CDC73: variants seen among roughly 807,000 people sequenced by gnomAD.
CDC73 encodes the protein cell division cycle 73, also known as parafibromin.
In CDC73, 21 loss-of-function variants were observed where a neutral mutation model predicts 83.7. The observed-to-expected ratio is 0.25, with a 90% CI of 0.18 to 0.36. The LOEUF (loss-of-function observed/expected upper bound fraction) is 0.36, where lower values mean the gene tolerates loss of function less well. Ranked by LOEUF, CDC73 falls within the 10% of genes least tolerant of loss-of-function variation. The probability of loss-of-function intolerance (pLI) is 1.00; values close to 1 mark genes in which losing one functional copy is unlikely to be tolerated. For synonymous variants in CDC73, 224 were observed against 212.9 expected, an observed-to-expected ratio of 1.05 and a Z score of -0.45; for missense variants, 342 against 653.3, an observed-to-expected ratio of 0.52 and a Z score of 5.19.
intron 13 of CDC73, among the ~76,000 whole-genome samples, chr1:193,230,596 C>G (rs1040531683): frequency 6.6e-6 from 1 of 151,276 alleles, no homozygotes; most frequent in Non-Finnish European, 1.5e-5. Flanking sequence ...ACACACCCAG[C>G]AGTGCAGCCC....
rs1678088583 is a variant in CDC73 at position 193,253,856 on chromosome 1, G to A, written c.*3144G>A. 4.4e-6 allele frequency: 1 copy of A among 226,952 alleles called. No individual in the cohort carries two copies. The highest frequency in any genetic ancestry group is 8.8e-6 in the Non-Finnish European group (1 of 114,200). 14.1% of individuals were successfully genotyped at this position (226,952 alleles called of 1,614,324 possible). A position where few individuals can be genotyped will look rare whatever the true frequency, so the allele number is the denominator to read the frequency against. The stretch of plus-strand genomic sequence containing the variant: ...AGATTCATTATCTAATAAATATTGA[G>A]GGAATATTTTTCCTAAATAAAAATT... On this transcript the variant is annotated 3_prime_UTR_variant, in exon 17 of 17. Coordinates refer to ENST00000367435, the MANE Select transcript of CDC73 (RefSeq NM_024529.5).
At chr1:193,226,958 T>C (rs1677576598) in intron 13 of CDC73, among the ~76,000 whole-genome samples, 1 of 152,186 alleles carries the variant, frequency 6.6e-6, no homozygotes, top group African/African-American at 2.4e-5. Context: ...AACTTTTTTT[T>C]GTTGGTAATT....
intron 15 of CDC73, among the ~76,000 whole-genome samples, chr1:193,248,181 A>G (rs1307313027): frequency 2.0e-5 from 3 of 152,072 alleles, no homozygotes; most frequent in Non-Finnish European, 2.9e-5. Context: ...AACATTCTAA[A>G]TATCCTAGGG....
intron 7 of CDC73, among the ~76,000 whole-genome samples, chr1:193,143,765 G>C (rs1013156435): frequency 1.3e-4 from 20 of 152,046 alleles, no homozygotes; most frequent in Admixed American, 6.5e-4. Flanking sequence ...ATTATTACTA[G>C]TTATCAGGGC....
intron 3 of CDC73, among the ~76,000 whole-genome samples, chr1:193,131,080 T>G (rs1675685661): frequency 6.6e-6 from 1 of 152,240 alleles, no homozygotes; most frequent in Admixed American, 6.5e-5. Context: ...TCAAGTGTTT[T>G]TTTCAGCATT....
intron 10 of CDC73, among the ~76,000 whole-genome samples, chr1:193,166,547 G>T (rs564663191): frequency 1.3e-5 from 2 of 152,228 alleles, no homozygotes; most frequent in Non-Finnish European, 2.9e-5. Flanking sequence ...TCTTTAAAGG[G>T]CCAGAAACTA....
chr1:193,238,870 A>G (rs1677810552), intron 15 of CDC73, among the ~76,000 whole-genome samples: 1 of 152,214 alleles, frequency 6.6e-6, no homozygotes, highest in Non-Finnish European at 1.5e-5. Flanking sequence ...TAGGTTGAGG[A>G]GGAGGAAGGG....
chr1:193,163,200 T>C (rs911671837), intron 10 of CDC73, among the ~76,000 whole-genome samples: 2 of 151,504 alleles, frequency 1.3e-5, no homozygotes, highest in African/African-American at 4.9e-5. Context: ...TATTTTTTTT[T>C]TCCCCCTCCT....
At chr1:193,224,225 G>A (rs1459965501) in intron 13 of CDC73, among the ~76,000 whole-genome samples, 2 of 151,244 alleles carry the variant, frequency 1.3e-5, no homozygotes, top group African/African-American at 4.9e-5. Context: ...TTTTTTTTTG[G>A]GAATTATTGT....
intron 3 of CDC73, among the ~76,000 whole-genome samples, chr1:193,132,632 A>G (rs1406350387): frequency 6.6e-6 from 1 of 151,280 alleles, no homozygotes; most frequent in African/African-American, 2.4e-5. Context: ...TTTTTTAATC[A>G]AAGCAAATTT....
chr1:193,152,436 T>G lies in CDC73; in HGVS notation c.964T>G (p.Ser322Ala). The change falls in exon 10 of 17, where the codon TCT becomes GCT. Residue 322 changes from serine to alanine, a missense_variant. Physicochemically the swap from Ser to Ala is moderately conservative, Grantham distance 99. This residue lies in a region of CDC73 where 239 missense variants were observed against 420.6 expected (regional missense o/e 0.57). Coordinates refer to ENST00000367435, the MANE Select transcript of CDC73 (RefSeq NM_024529.5). ...MGTYHGMTLK[S>A]VTEGASARKT... Reference sequence around the variant, plus strand: ...AACCTACCATGGTATGACACTGAAATCTGTAACGGTAAGTTAATTTGGCTG... The same window carrying G: ...AACCTACCATGGTATGACACTGAAAGCTGTAACGGTAAGTTAATTTGGCTG... 1 of 1,605,664 alleles carries G rather than the reference T, an allele frequency of 6.2e-7. No homozygotes were observed. Among genetic ancestry groups the G allele is most frequent in the Non-Finnish European group, 8.5e-7 (1 of 1,172,606 alleles).
intron 6 of CDC73, among the ~76,000 whole-genome samples, chr1:193,140,424 C>T (rs1017999140): frequency 1.3e-5 from 2 of 152,110 alleles, no homozygotes; most frequent in Non-Finnish European, 2.9e-5. Flanking sequence ...GTTCCAAGAC[C>T]TCCAGTGGAT....
intron 7 of CDC73, among the ~76,000 whole-genome samples, chr1:193,147,037 G>T (rs550952310): frequency 6.6e-6 from 1 of 151,938 alleles, no homozygotes; most frequent in African/African-American, 2.4e-5. Context: ...CTGTCTCCCA[G>T]GGTGGAGTGC....
At chr1:193,200,535 A>G (rs959184483) in intron 10 of CDC73, among the ~76,000 whole-genome samples, 3 of 152,156 alleles carry the variant, frequency 2.0e-5, no homozygotes, top group African/African-American at 7.2e-5. Context: ...TTACTTTTCT[A>G]GAATGCCTCA....
intron 10 of CDC73, among the ~76,000 whole-genome samples, chr1:193,192,315 T>C (rs1235954960): frequency 6.6e-6 from 1 of 152,132 alleles, no homozygotes; most frequent in East Asian, 1.9e-4. Context: ...TGGTGGTACA[T>C]GCCTGTAATC....
At chr1:193,248,158 C>T (rs186971899) in intron 15 of CDC73, among the ~76,000 whole-genome samples, 1 of 151,988 alleles carries the variant, frequency 6.6e-6, no homozygotes, top group Non-Finnish European at 1.5e-5. Flanking sequence ...TGAGTTGCAA[C>T]CAGTGGTCAC....
intron 10 of CDC73, among the ~76,000 whole-genome samples, chr1:193,192,153 G>A (rs1558305673): frequency 6.6e-6 from 1 of 152,072 alleles, no homozygotes; most frequent in Non-Finnish European, 1.5e-5. Context: ...TAGAAAGCAA[G>A]TGTTGGGAGC....
chr1:193,130,657 C>T lies in CDC73; in HGVS notation c.307+414C>T, dbSNP rs528285534. 3.3e-5 allele frequency among the ~76,000 whole-genome samples: 5 copies of T among 152,296 alleles called. No individual in the cohort carries two copies. In the South Asian group the frequency reaches 6.2e-4, roughly 19 times the overall value. ...TACTGTAAAATATTCTGCAAGAGTTCGTGTGGTATCATTGCTTCTTTTTTA... is the reference window on the plus strand; with the variant it reads ...TACTGTAAAATATTCTGCAAGAGTTTGTGTGGTATCATTGCTTCTTTTTTA... On this transcript the variant is annotated intron_variant, in intron 3 of 16. Coordinates refer to ENST00000367435, the MANE Select transcript of CDC73 (RefSeq NM_024529.5).
At position 193,135,376 on chromosome 1, in the gene CDC73, T is replaced by G. The variant is rs1196256327; in HGVS notation, c.308-15T>G. The G allele has an allele frequency of 4.4e-6, 7 of 1,605,782 alleles. No homozygotes were observed. The highest frequency in any genetic ancestry group is 6.0e-6 in the Non-Finnish European group (7 of 1,172,492). Reference sequence around the variant, plus strand: ...TGAAATAGTAATCCTTACGTGAATCTTTTTATGTCTTCAGCAACATCGGCA... The same window carrying G: ...TGAAATAGTAATCCTTACGTGAATCGTTTTATGTCTTCAGCAACATCGGCA... On this transcript the variant is annotated splice_polypyrimidine_tract_variant and intron_variant, in intron 3 of 16. Coordinates refer to ENST00000367435, the MANE Select transcript of CDC73 (RefSeq NM_024529.5).
Sources: gnomAD v4.1 joint callset for allele counts (sites outside exome capture counted in the v4.1 genomes callset) on GRCh38, gnomAD v4.1.1 for gene constraint, gnomAD v4.1.1 regional missense constraint, MANE v1.5 for transcripts, NCBI Gene and HGNC (gene_info 2026-07-23, HGNC 2026-07-21) for gene names.